The following KIF13A variants were observed in gnomAD, a reference collection of about 807,000 sequenced individuals.
KIF13A encodes kinesin family member 13A.
KIF13A carries 79 observed loss-of-function variants against 212.2 expected under a neutral mutation model. That is an observed-to-expected ratio of 0.37 (90% confidence interval 0.31 to 0.45). The LOEUF is 0.45. Among genes scored for constraint, KIF13A ranks in the 20% least tolerant of loss-of-function variants. The pLI is 1.00. For missense variants in KIF13A, 1,901 were observed against 2,209.0 expected (o/e 0.86, Z 2.79); for synonymous variants, 789 against 808.6 (o/e 0.98, Z 0.41).
intron 2 of KIF13A, among the ~76,000 whole-genome samples, chr6:17,927,274 A>C (rs1364681243): frequency 6.6e-6 from 1 of 152,272 alleles, no homozygotes; most frequent in African/African-American, 2.4e-5. Context: ...CCAAGTGTCC[A>C]TCAGTGGACA....
At chr6:17,802,936 T>TTC (rs1342699595) in intron 20 of KIF13A, among the ~76,000 whole-genome samples, 1 of 137,870 alleles carries the variant, frequency 7.3e-6, no homozygotes, top group Non-Finnish European at 1.6e-5. Flanking sequence ...TTTTTTGTTT[T>TTC]TTTTTGTTTT....
intron 2 of KIF13A, among the ~76,000 whole-genome samples, chr6:17,946,928 G>A (rs557206215): frequency 2.0e-5 from 3 of 152,294 alleles, no homozygotes; most frequent in South Asian, 2.1e-4. Flanking sequence ...GACTGTGCAG[G>A]CGGTTGCACA....
At chr6:17,896,526 T>C (rs1245305008) in intron 3 of KIF13A, among the ~76,000 whole-genome samples, 3 of 152,240 alleles carry the variant, frequency 2.0e-5, no homozygotes, top group African/African-American at 7.2e-5. Flanking sequence ...GTGTCATTTA[T>C]TTGAGTTCAA....
chr6:17,909,017 T>C (rs1366677708), intron 2 of KIF13A, among the ~76,000 whole-genome samples: 1 of 152,228 alleles, frequency 6.6e-6, no homozygotes, highest in African/African-American at 2.4e-5. Context: ...TTTAGCACTG[T>C]TGAAGGATGG....
chr6:17,830,289 T>G (rs1765329630), intron 13 of KIF13A, among the ~76,000 whole-genome samples: 1 of 152,346 alleles, frequency 6.6e-6, no homozygotes, highest in South Asian at 2.1e-4. Flanking sequence ...CATGTGTGTG[T>G]GTATTGGTGG....
chr6:17,875,409 G>A (rs927378511), intron 3 of KIF13A, among the ~76,000 whole-genome samples: 1 of 151,174 alleles, frequency 6.6e-6, no homozygotes, highest in South Asian at 2.1e-4. Context: ...GTGCTTCTTG[G>A]TGCTTCCCCT....
rs1436087600 is a variant in KIF13A at position 17,811,156 on chromosome 6, C to T, written c.2001-2226G>A. On this transcript the variant is annotated intron_variant, in intron 17 of 38. Transcript: ENST00000259711. The surrounding 1 kb of genome is among the most constrained non-coding windows in gnomAD (Gnocchi z 6.0). ...CTCTCAAATGCACTTGAAATCAATC[C>T]TTCTCCCTGAAAACCTCTGTAGAAG... Among the ~76,000 whole-genome samples the T allele has an allele frequency of 6.6e-6, 1 of 152,206 alleles. No homozygotes were observed. Among genetic ancestry groups the T allele is most frequent in the African/African-American group, 2.4e-5 (1 of 41,442 alleles).
At chr6:17,889,873 G>T (rs766474702) in intron 3 of KIF13A, among the ~76,000 whole-genome samples, 2 of 152,068 alleles carry the variant, frequency 1.3e-5, no homozygotes, top group African/African-American at 2.4e-5. Flanking sequence ...CTCTCTTAGC[G>T]CCAGGCATTG....
intron 2 of KIF13A, among the ~76,000 whole-genome samples, chr6:17,938,397 G>A (rs1776660418): frequency 6.6e-6 from 1 of 152,148 alleles, no homozygotes; most frequent in African/African-American, 2.4e-5. Context: ...AACATTCCTG[G>A]AGGTTGGAGG....
In KIF13A at chr6:17,809,183, T is replaced by A. The variant is rs920811838; in HGVS notation, c.2001-253A>T. On this transcript the variant is annotated intron_variant, in intron 17 of 38. Transcript: ENST00000259711. This position sits in a 1 kb window ranked among gnomAD's most constrained non-coding sequence, Gnocchi z 4.7. ...TAAATTATGTAACACGTGAAAACGA[T>A]CAGATTGTGATAGGAGGATGCAAAA... Among the ~76,000 whole-genome samples the A allele has an allele frequency of 1.4e-4, 22 of 152,136 alleles. No homozygotes were observed. Among genetic ancestry groups the A allele is most frequent in the African/African-American group, 4.8e-4 (20 of 41,408 alleles).
rs931844295 is a variant in KIF13A at position 17,777,918 on chromosome 6, G to C, written c.4093-564C>G. On this transcript the variant is annotated intron_variant, in intron 33 of 38. Coordinates refer to ENST00000259711, the MANE Select transcript of KIF13A (RefSeq NM_022113.6). This position sits in a 1 kb window ranked among gnomAD's most constrained non-coding sequence, Gnocchi z 4.4. ...GCACTCTGGGAGGCTGAGGCAGGTG[G>C]ATCACAGACAGGAGTTCGAGACCAG... 6.6e-6 allele frequency among the ~76,000 whole-genome samples: 1 copy of C among 151,988 alleles called. No homozygotes were observed. The highest frequency in any genetic ancestry group is 2.4e-5 in the African/African-American group (1 of 41,380).
At chr6:17,902,070 T>G (rs1161451986) in intron 2 of KIF13A, among the ~76,000 whole-genome samples, 2 of 152,158 alleles carry the variant, frequency 1.3e-5, no homozygotes, top group Non-Finnish European at 2.9e-5. Flanking sequence ...AGACTACTGT[T>G]GAGATACCTG....
At position 17,898,762 on chromosome 6, in the gene KIF13A, G is replaced by A. The variant is rs142657275; in HGVS notation, c.147-582C>T. 2.3e-4 allele frequency among the ~76,000 whole-genome samples: 35 copies of A among 152,102 alleles called. 1 individual carries two copies. Among genetic ancestry groups the A allele is most frequent in the African/African-American group, 5.8e-4 (24 of 41,462 alleles). ...CAGCCACACACGCACTTGTTAAAAC[G>A]TTTGTTTTACACGTTAATAACTCAG... On this transcript the variant is annotated intron_variant, in intron 2 of 38. Coordinates refer to ENST00000259711, the MANE Select transcript of KIF13A (RefSeq NM_022113.6). This position sits in a 1 kb window ranked among gnomAD's most constrained non-coding sequence, Gnocchi z 5.2.
chr6:17,883,848 T>C lies in KIF13A; in HGVS notation c.160-10411A>G, dbSNP rs966478114. On this transcript the variant is annotated intron_variant, in intron 3 of 38. Transcript: ENST00000259711. This position sits in a 1 kb window ranked among gnomAD's most constrained non-coding sequence, Gnocchi z 4.8. Reference sequence around the variant, plus strand: ...GGGAGGATCACTTGAGCCTGGGAGTTTGAGGCTGCAATGAGCTATGATCAC... The same window carrying C: ...GGGAGGATCACTTGAGCCTGGGAGTCTGAGGCTGCAATGAGCTATGATCAC... 2.0e-5 allele frequency among the ~76,000 whole-genome samples: 3 copies of C among 151,870 alleles called. No individual in the cohort carries two copies. Among genetic ancestry groups the C allele is most frequent in the African/African-American group, 4.8e-5 (2 of 41,322 alleles).
chr6:17,796,318 T>C (rs1363610209), intron 23 of KIF13A, among the ~76,000 whole-genome samples: 1 of 117,178 alleles, frequency 8.5e-6, no homozygotes, highest in East Asian at 2.5e-4. Context: ...TTATAAATAA[T>C]TTATTTTTTT....
intron 23 of KIF13A, among the ~76,000 whole-genome samples, chr6:17,795,982 A>G (rs1272802086): frequency 6.6e-6 from 1 of 152,228 alleles, no homozygotes; most frequent in African/African-American, 2.4e-5. Flanking sequence ...AGTAAAGAAC[A>G]AGGGTGATTT....
chr6:17,936,346 AC>A, intron 2 of KIF13A: 1 of 178,722 alleles, frequency 5.6e-6, no homozygotes, highest in South Asian at 9.3e-5. Flanking sequence ...ATGGGGTTTC[AC>A]CATGGTGGCC....
rs961875173 is a variant in KIF13A at position 17,794,848 on chromosome 6, C to G, written c.2943-144G>C. 1.2e-4 allele frequency: 90 copies of G among 758,472 alleles called. No individual in the cohort carries two copies. Among genetic ancestry groups the G allele is most frequent in the Non-Finnish European group, 8.4e-5 (41 of 489,598 alleles). The allele number at this position is 758,472 out of a possible 1,614,324, so 47.0% of individuals were successfully genotyped here. On this transcript the variant is annotated intron_variant, in intron 23 of 38. Coordinates refer to ENST00000259711, the MANE Select transcript of KIF13A (RefSeq NM_022113.6). This position sits in a 1 kb window ranked among gnomAD's most constrained non-coding sequence, Gnocchi z 4.1. ...GTATAAGTTACTTCCTTATTTAACT[C>G]TCAAAACCAACCTGTCATATTGTTT...
In KIF13A at chr6:17,772,155, A is replaced by G; in HGVS notation, c.4325-96T>C. 8.5e-7 allele frequency: 1 copy of G among 1,174,938 alleles called. No individual in the cohort carries two copies. Among genetic ancestry groups the G allele is most frequent in the Non-Finnish European group, 1.2e-6 (1 of 817,512 alleles). The allele number at this position is 1,174,938 out of a possible 1,614,324, so 72.8% of individuals were successfully genotyped here. On this transcript the variant is annotated intron_variant, in intron 36 of 38. Coordinates refer to ENST00000259711, the MANE Select transcript of KIF13A (RefSeq NM_022113.6). This position sits in a 1 kb window ranked among gnomAD's most constrained non-coding sequence, Gnocchi z 4.8. ...TGACCCAGCCATGGGAATATCTGGG[A>G]GAACAATGAAATTCATAGGCTAATA...
Sources: gnomAD v4.1 joint callset for allele counts (sites outside exome capture counted in the v4.1 genomes callset) on GRCh38, gnomAD v4.1.1 for gene constraint, Gnocchi (gnomAD v3.1) non-coding constraint, MANE v1.5 for transcripts, NCBI Gene and HGNC (gene_info 2026-07-23, HGNC 2026-07-21) for gene names.